The following BCAS1 variants were observed in gnomAD, a reference collection of about 807,000 sequenced individuals.
The protein encoded by BCAS1 is breast carcinoma-amplified sequence 1.
A neutral mutation model predicts 65.4 loss-of-function variants in BCAS1; 46 were observed. That is an observed-to-expected ratio of 0.70 (90% CI 0.55 to 0.90). BCAS1 has a LOEUF of 0.90. BCAS1 is among the 40% of genes least tolerant of loss of function. The probability of loss-of-function intolerance (pLI) is 0.00; values close to 1 mark genes in which losing one functional copy is unlikely to be tolerated. For synonymous variants in BCAS1, 298 were observed against 293.5 expected (o/e 1.02, Z -0.16); for missense variants, 793 against 771.2 (o/e 1.03, Z -0.33).
At chr20:54,064,345 C>T (rs533705871) in intron 1 of BCAS1, among the ~76,000 whole-genome samples, 1 of 152,300 alleles carries the variant, frequency 6.6e-6, no homozygotes, top group South Asian at 2.1e-4. Flanking sequence ...CTGGCTGCTG[C>T]CTACCCTGAC....
At chr20:54,019,927 C>T (rs1448653720) in intron 4 of BCAS1, among the ~76,000 whole-genome samples, 2 of 152,188 alleles carry the variant, frequency 1.3e-5, no homozygotes, top group African/African-American at 4.8e-5. Flanking sequence ...TTCCTACCTC[C>T]TCAGCTTGCA....
At chr20:53,994,477 T>C (rs1467299296) in intron 6 of BCAS1, among the ~76,000 whole-genome samples, 7 of 152,214 alleles carry the variant, frequency 4.6e-5, no homozygotes, top group Admixed American at 4.6e-4. Flanking sequence ...CCAGGGAAAC[T>C]ATTCTATTTC....
chr20:53,989,483 C>G (rs976609847), intron 7 of BCAS1, among the ~76,000 whole-genome samples: 3 of 152,114 alleles, frequency 2.0e-5, no homozygotes, highest in African/African-American at 7.2e-5. Flanking sequence ...TAGCTTCTGG[C>G]ACAAAATAGA....
chr20:54,054,820 A>T (rs2092271696), intron 3 of BCAS1, among the ~76,000 whole-genome samples: 1 of 152,250 alleles, frequency 6.6e-6, no homozygotes, highest in African/African-American at 2.4e-5. Context: ...CTACGTTTCA[A>T]GAGAAACCTA....
At position 53,985,375 on chromosome 20, in the gene BCAS1, G is replaced by T; in HGVS notation, c.1187C>A (p.Ser396Tyr). ...KGCNPSGHTQ[S>Y]VTTPEPAKEG... ...CTTCGCAGGTTCAGGGGTTGTCACG[G>T]ACTGTGTGTGCCCCGATGGGTTGCA... Residue 396 changes from serine to tyrosine, a missense_variant, in exon 8 of 13, where the codon TCC (serine) becomes TAC (tyrosine). Physicochemically the swap from Ser to Tyr is moderately radical, Grantham distance 144 (BLOSUM62 -2). Coordinates refer to ENST00000688948, the MANE Select transcript of BCAS1 (RefSeq NM_001366298.2). The T allele has an allele frequency of 1.2e-6, 2 of 1,614,084 alleles. No homozygotes were observed. Among genetic ancestry groups the T allele is most frequent in the Non-Finnish European group, 1.7e-6 (2 of 1,179,982 alleles).
At position 53,957,526 on chromosome 20, in the gene BCAS1, A is replaced by G. The variant is rs758151340; in HGVS notation, c.1486-29T>C. 14 of 1,593,070 alleles carry G rather than the reference A, an allele frequency of 8.8e-6. No individual in the cohort carries two copies. In the East Asian group the frequency reaches 2.0e-4, roughly 23 times the overall value. On this transcript the variant is annotated intron_variant, in intron 10 of 12. Transcript: ENST00000688948. ...AAATAACAAACAGACAATGGCCTTC[A>G]GCCACAAGTACAGTGACGTGGAGAA...
intron 4 of BCAS1, among the ~76,000 whole-genome samples, chr20:54,008,685 A>G (rs1198193812): frequency 6.6e-6 from 1 of 152,120 alleles, no homozygotes; most frequent in African/African-American, 2.4e-5. Context: ...TCAGATTTCA[A>G]TTGAAGATAA....
intron 4 of BCAS1, among the ~76,000 whole-genome samples, chr20:54,023,603 A>G (rs1337898261): frequency 6.6e-6 from 1 of 152,248 alleles, no homozygotes; most frequent in African/African-American, 2.4e-5. Context: ...GGACATAGGC[A>G]GAGAAAATAC....
intron 8 of BCAS1, among the ~76,000 whole-genome samples, chr20:53,975,793 C>T (rs2090318737): frequency 6.6e-6 from 1 of 152,026 alleles, no homozygotes; most frequent in African/African-American, 2.4e-5. Context: ...ATTAATCATT[C>T]AATACAGAGT....
intron 3 of BCAS1, among the ~76,000 whole-genome samples, chr20:54,046,912 G>C (rs969959570): frequency 6.6e-6 from 1 of 152,024 alleles, no homozygotes; most frequent in Non-Finnish European, 1.5e-5. Flanking sequence ...ATGATGTCTG[G>C]AGCCACAGCT....
At chr20:54,051,922 A>G (rs949279400) in intron 3 of BCAS1, among the ~76,000 whole-genome samples, 18 of 152,044 alleles carry the variant, frequency 1.2e-4, no homozygotes, top group African/African-American at 4.3e-4. Context: ...TATTTTTAGT[A>G]GAGACGGGGT....
intron 3 of BCAS1, among the ~76,000 whole-genome samples, chr20:54,042,864 C>G (rs1448538508): frequency 5.3e-5 from 8 of 152,236 alleles, no homozygotes. Flanking sequence ...GCTGGCCCAG[C>G]AGCGAGGCAG....
At chr20:53,975,084 T>C (rs1490237783) in intron 9 of BCAS1, among the ~76,000 whole-genome samples, 2 of 152,190 alleles carry the variant, frequency 1.3e-5, no homozygotes, top group Non-Finnish European at 2.9e-5. Context: ...AGCATCATTA[T>C]CCCTCAAGGA....
intron 7 of BCAS1, among the ~76,000 whole-genome samples, chr20:53,986,517 A>G (rs1038969300): frequency 6.6e-6 from 1 of 151,782 alleles, no homozygotes; most frequent in African/African-American, 2.4e-5. Flanking sequence ...TGCTCTGGAT[A>G]CTTATGACTC....
intron 4 of BCAS1, among the ~76,000 whole-genome samples, chr20:54,011,792 C>T (rs1294666442): frequency 6.6e-6 from 1 of 152,006 alleles, no homozygotes; most frequent in African/African-American, 2.4e-5. Context: ...ATCACTTGAC[C>T]CTGGGTGGCT....
chr20:54,036,208 GC>G (rs781763957), intron 3 of BCAS1, among the ~76,000 whole-genome samples: 19 of 150,752 alleles, frequency 1.3e-4, no homozygotes, highest in Non-Finnish European at 2.4e-4. Flanking sequence ...TAACAAACCT[GC>G]CCGTGTACCC....
intron 4 of BCAS1, among the ~76,000 whole-genome samples, chr20:54,007,388 T>C (rs1361076198): frequency 6.6e-6 from 1 of 152,246 alleles, no homozygotes; most frequent in African/African-American, 2.4e-5. Flanking sequence ...TCTGCCATGA[T>C]GGACGCCCTC....
At chr20:53,973,168 G>T (rs372682490) in intron 9 of BCAS1, among the ~76,000 whole-genome samples, 1 of 152,204 alleles carries the variant, frequency 6.6e-6, no homozygotes, top group Non-Finnish European at 1.5e-5. Flanking sequence ...GGTGGAGGTT[G>T]CAGTGAGCCG....
chr20:53,962,098 C>T (rs1348055349), intron 10 of BCAS1, among the ~76,000 whole-genome samples: 2 of 152,184 alleles, frequency 1.3e-5, no homozygotes. Flanking sequence ...ATGCTTCCTT[C>T]AGAAATCTTT....
Sources: gnomAD v4.1 joint callset for allele counts (sites outside exome capture counted in the v4.1 genomes callset) on GRCh38, gnomAD v4.1.1 for gene constraint, MANE v1.5 for transcripts, NCBI Gene and HGNC (gene_info 2026-07-23, HGNC 2026-07-21) for gene names.